The following GATA6 variants were observed in gnomAD, a reference collection of about 807,000 sequenced individuals.
The protein encoded by GATA6 is GATA binding protein 6, also known as transcription factor GATA-6.
Under a neutral mutation model 48.1 loss-of-function variants are expected in GATA6, and 11 were observed. That is an observed-to-expected ratio of 0.23 (90% CI 0.14 to 0.38). The LOEUF is 0.38. Ranked by LOEUF, GATA6 falls within the 10% of genes least tolerant of loss-of-function variation. The pLI, the probability that GATA6 is intolerant of heterozygous loss-of-function variation, is 1.00. For synonymous variants in GATA6, 419 were observed against 396.1 expected (o/e 1.06, Z -0.69); for missense variants, 795 against 850.3 (o/e 0.93, Z 0.81).
chr18:22,171,893 G>C lies in GATA6; in HGVS notation c.749G>C (p.Gly250Ala). Reference sequence around the variant, plus strand: ...GCTGGCGGCGGGGCCGCGGGGCCTGGCGGCGCTGGCTCAGCCGCGGCGCAC... The same window carrying C: ...GCTGGCGGCGGGGCCGCGGGGCCTGCCGGCGCTGGCTCAGCCGCGGCGCAC... Reference protein sequence around the residue: ...GAAGGGAAGPGGAGSAAAHVS... With the variant: ...GAAGGGAAGPAGAGSAAAHVS... The change falls in exon 2 of 7, where the codon GGC becomes GCC. Residue 250 changes from glycine to alanine, a missense_variant. Physicochemically the swap from Gly to Ala is moderately conservative, Grantham distance 60. Around this residue, in one of 5 missense-constraint regions of GATA6, gnomAD observed 591 missense variants for 570.0 expected, o/e 1.04. Coordinates refer to ENST00000269216, the MANE Select transcript of GATA6 (RefSeq NM_005257.6). This position sits in a 1 kb window ranked among gnomAD's most constrained non-coding sequence, Gnocchi z 7.1. 1 of 1,154,616 alleles carries C rather than the reference G, an allele frequency of 8.7e-7. No homozygotes were observed. Among genetic ancestry groups the C allele is most frequent in the Non-Finnish European group, 1.1e-6 (1 of 939,302 alleles). 71.5% of individuals were successfully genotyped at this position (1,154,616 alleles called of 1,614,324 possible). A position where few individuals can be genotyped will look rare whatever the true frequency, so the allele number is the denominator to read the frequency against.
At chr18:22,194,070 GAAAA>G (rs113879738) in intron 6 of GATA6, among the ~76,000 whole-genome samples, 4 of 141,134 alleles carry the variant, frequency 2.8e-5, no homozygotes, top group African/African-American at 5.1e-5. Flanking sequence ...CTCCTCACAG[GAAAA>G]AAAAAAAAAA....
Position 22,171,325 on chromosome 18 carries a change from G to C in GATA6, c.181G>C (p.Gly61Arg). The change falls in exon 2 of 7, where the codon GGG becomes CGG. Residue 61 changes from glycine (G) to arginine (R), a missense_variant. Transcript: ENST00000269216. The surrounding 1 kb of genome is among the most constrained non-coding windows in gnomAD (Gnocchi z 7.1). ...GGGCCCCGGCGGCGCCAGCAACTGC[G>C]GGACGCCTCAGCTCGACACGGAGGC... ...ERGPGGASNC[G>R]TPQLDTEAAA... The C allele has an allele frequency of 1.3e-6, 2 of 1,588,420 alleles. No individual in the cohort carries two copies. The highest frequency in any genetic ancestry group is 1.1e-5 in the South Asian group (1 of 90,026).
intron 4 of GATA6, among the ~76,000 whole-genome samples, chr18:22,181,837 C>T (rs72879094): frequency 4.3e-4 from 66 of 152,192 alleles, no homozygotes; most frequent in Non-Finnish European, 7.6e-4. Context: ...CTATTGCAAA[C>T]GTTCATTTAA....
intron 6 of GATA6, among the ~76,000 whole-genome samples, chr18:22,197,725 G>C (rs2033408763): frequency 1.3e-5 from 2 of 152,222 alleles, no homozygotes; most frequent in African/African-American, 4.8e-5. Context: ...GCACAGAGGA[G>C]GCTCAGGGGG....
chr18:22,172,014 G>C lies in GATA6; in HGVS notation c.870G>C (p.Ala290=). The C allele has an allele frequency of 4.0e-6, 5 of 1,241,612 alleles. No individual in the cohort carries two copies. Among genetic ancestry groups the C allele is most frequent in the Non-Finnish European group, 5.0e-6 (5 of 995,486 alleles). The allele number at this position is 1,241,612 out of a possible 1,614,324, so 76.9% of individuals were successfully genotyped here. A position where few individuals can be genotyped will look rare whatever the true frequency, so the allele number is the denominator to read the frequency against. Residue 290 remains alanine, a synonymous_variant, in exon 2 of 7, where the codon GCG becomes GCC. Coordinates refer to ENST00000269216, the MANE Select transcript of GATA6 (RefSeq NM_005257.6). The surrounding 1 kb of genome is among the most constrained non-coding windows in gnomAD (Gnocchi z 5.2). ...GGYAAAGSGG[A]GGVSGGGSSL... is the part of the protein sequence containing the mutation. ...ACGCGGCGGCGGGCAGTGGGGGCGC[G>C]GGAGGCGTGAGCGGCGGCGGCAGTA... is the stretch of plus-strand genomic sequence containing the variant.
intron 3 of GATA6, 69 bp from the exon 4 acceptor site, chr18:22,181,384 T>C: frequency 6.6e-7 from 1 of 1,505,522 alleles, no homozygotes; most frequent in South Asian, 1.1e-5. Flanking sequence ...CAAAATACCT[T>C]AATGTATGTA....
intron 6 of GATA6, among the ~76,000 whole-genome samples, chr18:22,198,263 G>T (rs963518544): frequency 5.3e-5 from 8 of 152,086 alleles, no homozygotes; most frequent in African/African-American, 1.7e-4. Flanking sequence ...TAGAGACGGG[G>T]TCTCCCAATG....
intron 6 of GATA6, among the ~76,000 whole-genome samples, chr18:22,192,732 C>T (rs1266390649): frequency 2.6e-5 from 4 of 152,160 alleles, no homozygotes; most frequent in African/African-American, 9.7e-5. Context: ...TAGTGTAATT[C>T]ATTCTGATTC....
At chr18:22,180,470 G>T (rs920132775) in intron 3 of GATA6, among the ~76,000 whole-genome samples, 1 of 152,062 alleles carries the variant, frequency 6.6e-6, no homozygotes, top group Admixed American at 6.5e-5. Context: ...ACCTTTCCTG[G>T]TAATACCAAT....
intron 6 of GATA6, 30 bp downstream of exon 6, chr18:22,183,073 A>G (rs763835631): frequency 1.3e-6 from 2 of 1,494,814 alleles, no homozygotes; most frequent in Admixed American, 1.7e-5. Context: ...AGACTCCTAA[A>G]TTACTGGGCT....
chr18:22,187,970 C>T (rs1422560979), intron 6 of GATA6, among the ~76,000 whole-genome samples: 1 of 151,958 alleles, frequency 6.6e-6, no homozygotes, highest in Admixed American at 6.6e-5. Context: ...GGTGCAGTGG[C>T]TCACGCCTGT....
rs2033023083 is a variant in GATA6 at position 22,170,779 on chromosome 18, A to C, written c.-37-329A>C. 1.4e-5 allele frequency among the ~76,000 whole-genome samples: 2 copies of C among 147,810 alleles called. No homozygotes were observed. Among genetic ancestry groups the C allele is most frequent in the African/African-American group, 2.5e-5 (1 of 40,004 alleles). ...AAGCCTCAGCCAGCTTCTGCAGATC[A>C]CCCCTGGGATCTGGCGCGCGCACGG... On this transcript the variant is annotated intron_variant, in intron 1 of 6. Coordinates refer to ENST00000269216, the MANE Select transcript of GATA6 (RefSeq NM_005257.6). This position sits in a 1 kb window ranked among gnomAD's most constrained non-coding sequence, Gnocchi z 6.7.
intron 4 of GATA6, among the ~76,000 whole-genome samples, chr18:22,182,166 ACTT>A (rs1366281216): frequency 2.6e-5 from 4 of 152,200 alleles, no homozygotes; most frequent in African/African-American, 4.8e-5. Context: ...TTGAAATAAT[ACTT>A]CTTCAATGAA....
rs2033012766 is a variant in GATA6, at chr18:22,170,158, G to T, written c.-38+476G>T. Among the ~76,000 whole-genome samples the T allele has an allele frequency of 6.6e-6, 1 of 152,156 alleles. No individual in the cohort carries two copies. Among genetic ancestry groups the T allele is most frequent in the South Asian group, 2.1e-4 (1 of 4,826 alleles). On this transcript the variant is annotated intron_variant, in intron 1 of 6. Coordinates refer to ENST00000269216, the MANE Select transcript of GATA6 (RefSeq NM_005257.6). This position sits in a 1 kb window ranked among gnomAD's most constrained non-coding sequence, Gnocchi z 6.7. ...TGCTCTCCCATTTGGGGTCGCCTCG[G>T]CTCTGGGGCGGTCTCACGCTCCCCC...
At chr18:22,186,515 T>G (rs890330814) in intron 6 of GATA6, among the ~76,000 whole-genome samples, 6 of 152,176 alleles carry the variant, frequency 3.9e-5, no homozygotes, top group African/African-American at 1.4e-4. Flanking sequence ...GGAACAGGGT[T>G]CTGACCTGCC....
chr18:22,182,614 T>C (rs1395218363), intron 4 of GATA6, 143 bp from the exon 5 acceptor site: 2 of 660,114 alleles, frequency 3.0e-6, no homozygotes, highest in Non-Finnish European at 5.4e-6. Context: ...TGCCTCGGCC[T>C]CTGAAAGTGC....
At chr18:22,193,135 G>T (rs932074508) in intron 6 of GATA6, among the ~76,000 whole-genome samples, 1 of 152,190 alleles carries the variant, frequency 6.6e-6, no homozygotes, top group Non-Finnish European at 1.5e-5. Context: ...CTATTCTGCT[G>T]AATAGTTAGG....
chr18:22,187,430 A>G (rs2033276460), intron 6 of GATA6, among the ~76,000 whole-genome samples: 1 of 152,082 alleles, frequency 6.6e-6, no homozygotes. Flanking sequence ...CAGTGAGCTG[A>G]GATTGCACCA....
intron 4 of GATA6, 45 bp from the exon 5 acceptor site, chr18:22,182,711 TC>T: frequency 7.2e-7 from 1 of 1,381,286 alleles, no homozygotes; most frequent in Non-Finnish European, 1.0e-6. Flanking sequence ...CTTTGGTTTT[TC>T]TTCAATATAA....
Sources: allele counts gnomAD v4.1 joint callset (sites outside exome capture counted in the v4.1 genomes callset), GRCh38; gene constraint gnomAD v4.1.1; regional missense constraint gnomAD v4.1.1; non-coding constraint Gnocchi (gnomAD v3.1); transcripts MANE v1.5; gene names NCBI Gene and HGNC (gene_info 2026-07-23, HGNC 2026-07-21).